Variants in THSD4 observed in about 807,000 individuals in gnomAD.
THSD4 encodes the protein thrombospondin type-1 domain-containing protein 4.
Under a neutral mutation model 119.0 loss-of-function variants are expected in THSD4, and 69 were observed. The observed-to-expected ratio is 0.58, with a 90% confidence interval of 0.48 to 0.71. THSD4 has a LOEUF of 0.71. Ranked by LOEUF, THSD4 falls within the 30% of genes least tolerant of loss-of-function variation. The pLI is 0.00. For missense variants in THSD4, 1,393 were observed against 1,391.1 expected, an observed-to-expected ratio of 1.00 and a Z score of -0.02; for synonymous variants, 524 against 540.4, an observed-to-expected ratio of 0.97 and a Z score of 0.42.
upstream of THSD4, chr15:71,096,914 G>A (rs568356801): frequency 7.9e-4 from 120 of 152,292 alleles, no homozygotes; most frequent in African/African-American, 2.7e-3. Context: ...CCTGCTGATC[G>A]AGACCAGATA....
chr15:71,099,137 C>T (rs2141338012), intron 1 of THSD4, among the ~76,000 whole-genome samples: 1 of 152,308 alleles, frequency 6.6e-6, no homozygotes, highest in Admixed American at 6.5e-5. Flanking sequence ...CCATGACCAC[C>T]ACTTTTATAT....
chr15:71,181,755 T>C (rs2043531231), intron 3 of THSD4, among the ~76,000 whole-genome samples: 1 of 152,244 alleles, frequency 6.6e-6, no homozygotes. Flanking sequence ...CTGGCCATCC[T>C]AGTGTTAACC....
intron 3 of THSD4, among the ~76,000 whole-genome samples, chr15:71,182,811 T>C (rs1211587805): frequency 1.3e-5 from 2 of 151,792 alleles, no homozygotes; most frequent in Non-Finnish European, 2.9e-5. Flanking sequence ...AGCCTTCCCA[T>C]GTCAGCTGTC....
chr15:71,222,373 C>T (rs1388391627), intron 4 of THSD4, among the ~76,000 whole-genome samples: 1 of 152,170 alleles, frequency 6.6e-6, no homozygotes, highest in Non-Finnish European at 1.5e-5. Flanking sequence ...TTACATTTGC[C>T]TACATTAGCC....
At chr15:71,517,844 C>T (rs1026767463) in intron 7 of THSD4, among the ~76,000 whole-genome samples, 7 of 152,246 alleles carry the variant, frequency 4.6e-5, no homozygotes, top group Admixed American at 6.5e-5. Flanking sequence ...CTTGAGCAGA[C>T]TAAAAGCCAG....
chr15:71,601,850 A>G (rs2050017183), intron 7 of THSD4, among the ~76,000 whole-genome samples: 1 of 152,272 alleles, frequency 6.6e-6, no homozygotes, highest in African/African-American at 2.4e-5. Flanking sequence ...ATGTGCCACA[A>G]AGCAGTATCT....
intron 6 of THSD4, among the ~76,000 whole-genome samples, chr15:71,271,641 C>G (rs2044531514): frequency 1.3e-5 from 2 of 152,062 alleles, no homozygotes; most frequent in African/African-American, 4.8e-5. Flanking sequence ...ATTTTTAAAA[C>G]CTTATGATTC....
chr15:71,585,466 G>T (rs1256389468), intron 7 of THSD4, among the ~76,000 whole-genome samples: 1 of 152,086 alleles, frequency 6.6e-6, no homozygotes, highest in African/African-American at 2.4e-5. Flanking sequence ...AGTTTCCTTT[G>T]TCTATGAAGA....
At chr15:71,710,285 G>A (rs539358487) in intron 8 of THSD4, among the ~76,000 whole-genome samples, 12 of 152,282 alleles carry the variant, frequency 7.9e-5, no homozygotes, top group Non-Finnish European at 1.3e-4. Flanking sequence ...GAAACTTAAT[G>A]AAAATCTCTT....
intron 7 of THSD4, among the ~76,000 whole-genome samples, chr15:71,496,977 G>A (rs983836557): frequency 6.6e-6 from 1 of 152,184 alleles, no homozygotes. Context: ...ACCAGCCAGA[G>A]AGAAGGAAAT....
intron 6 of THSD4, chr15:71,341,207 T>G: frequency 6.4e-7 from 1 of 1,565,134 alleles, no homozygotes. Flanking sequence ...CTGGGATATC[T>G]TTTTCTTCTG....
intron 1 of THSD4, among the ~76,000 whole-genome samples, chr15:71,126,199 C>T (rs2040454362): frequency 6.6e-6 from 1 of 152,182 alleles, no homozygotes; most frequent in Non-Finnish European, 1.5e-5. Context: ...AGTCAGGGCT[C>T]TTACCACCAC....
chr15:71,225,594 C>T (rs1461747743), intron 4 of THSD4, among the ~76,000 whole-genome samples: 3 of 134,640 alleles, frequency 2.2e-5, no homozygotes, highest in Non-Finnish European at 4.5e-5. Flanking sequence ...GTTGCCCAGG[C>T]GGGAGTGCAG....
At chr15:71,367,233 TTA>T (rs1211791812) in intron 6 of THSD4, among the ~76,000 whole-genome samples, 1 of 152,020 alleles carries the variant, frequency 6.6e-6, no homozygotes, top group Non-Finnish European at 1.5e-5. Flanking sequence ...TTTTTTTATT[TTA>T]AAAAAATATT....
At chr15:71,490,839 A>G (rs937990367) in intron 7 of THSD4, among the ~76,000 whole-genome samples, 2 of 152,248 alleles carry the variant, frequency 1.3e-5, no homozygotes, top group African/African-American at 4.8e-5. Context: ...TTTTATTAGA[A>G]TATAACCGTG....
intron 7 of THSD4, among the ~76,000 whole-genome samples, chr15:71,558,826 C>T (rs2049066325): frequency 6.6e-6 from 1 of 151,990 alleles, no homozygotes; most frequent in Non-Finnish European, 1.5e-5. Context: ...GACCCAAGCA[C>T]TATTTAATTA....
chr15:71,660,499 T>A, intron 7 of THSD4, 31 bp from the exon 8 acceptor site: 2 of 1,613,384 alleles, frequency 1.2e-6, no homozygotes, highest in Non-Finnish European at 1.7e-6. Context: ...TGATACATAC[T>A]ATGAGTCTTT....
intron 3 of THSD4, among the ~76,000 whole-genome samples, chr15:71,160,241 A>T (rs1183100780): frequency 6.6e-6 from 1 of 151,418 alleles, no homozygotes; most frequent in African/African-American, 2.4e-5. Context: ...GAATTTTTGC[A>T]TCTATGTTCA....
chr15:71,754,343 G>A (rs2053501266), intron 14 of THSD4, among the ~76,000 whole-genome samples: 1 of 152,086 alleles, frequency 6.6e-6, no homozygotes, highest in Non-Finnish European at 1.5e-5. Context: ...ACCTGCCTCA[G>A]CCTCCGAAAG....
Sources: allele counts gnomAD v4.1 joint callset (sites outside exome capture counted in the v4.1 genomes callset), GRCh38; gene constraint gnomAD v4.1.1; transcripts MANE v1.5; gene names NCBI Gene and HGNC (gene_info 2026-07-23, HGNC 2026-07-21).